Variants in SPEN observed in about 807,000 individuals in gnomAD.
The protein encoded by SPEN is msx2-interacting protein.
Under a neutral mutation model 269.9 loss-of-function variants are expected in SPEN, and 18 were observed. The ratio of observed to expected loss-of-function variants is 0.07; its 90% CI spans 0.05 to 0.10. The LOEUF (loss-of-function observed/expected upper bound fraction) is 0.10. Ranked by LOEUF, SPEN falls within the 10% of genes least tolerant of loss-of-function variation. The pLI is 1.00. For missense variants in SPEN, 3,822 were observed against 4,631.2 expected, an observed-to-expected ratio of 0.83 and a Z score of 5.07; for synonymous variants, 1,726 against 1,765.7, an observed-to-expected ratio of 0.98 and a Z score of 0.56.
intron 9 of SPEN, among the ~76,000 whole-genome samples, chr1:15,921,522 G>A (rs962395561): frequency 2.0e-5 from 3 of 152,134 alleles, no homozygotes; most frequent in Non-Finnish European, 4.4e-5. Context: ...CTCATTCAAA[G>A]AAGTGTGCTT....
chr1:15,866,579 T>C (rs966914629), intron 1 of SPEN, among the ~76,000 whole-genome samples: 7 of 152,214 alleles, frequency 4.6e-5, no homozygotes, highest in African/African-American at 1.7e-4. Flanking sequence ...AGTCTCGATC[T>C]ACTGACCTCG....
intron 9 of SPEN, among the ~76,000 whole-genome samples, 179 bp from the exon 10 acceptor site, chr1:15,922,070 A>AT (rs1466380148): frequency 6.6e-6 from 1 of 152,232 alleles, no homozygotes. Flanking sequence ...TTTATACAGA[A>AT]TTTGAGAGAT....
intron 3 of SPEN, among the ~76,000 whole-genome samples, chr1:15,887,756 T>C (rs1351911861): frequency 6.8e-6 from 1 of 147,782 alleles, no homozygotes; most frequent in African/African-American, 2.5e-5. Context: ...GTACGGTGGC[T>C]CACACCTGTA....
chr1:15,891,512 C>T (rs1012849497), intron 3 of SPEN, among the ~76,000 whole-genome samples: 29 of 151,732 alleles, frequency 1.9e-4, no homozygotes, highest in African/African-American at 4.6e-4. Context: ...CCACCACGCC[C>T]GGCTAATTTT....
chr1:15,906,631 T>C lies in SPEN; in HGVS notation c.882-2690T>C, dbSNP rs532205786. ...GTCATGTGCCACCAAGCCTGGCTAA[T>C]TTTTGTATTTCTAGTAGAGATGAGG... On this transcript the variant is annotated intron_variant, in intron 3 of 14. Coordinates refer to ENST00000375759, the MANE Select transcript of SPEN (RefSeq NM_015001.3). Among the ~76,000 whole-genome samples the C allele has an allele frequency of 7.9e-5, 12 of 151,910 alleles. 1 individual carries two copies. The East Asian group carries it at 2.3e-3, about 29-fold the overall frequency.
chr1:15,911,033 A>T, intron 4 of SPEN, 68 bp from the exon 5 acceptor site: 1 of 1,291,420 alleles, frequency 7.7e-7, no homozygotes, highest in Non-Finnish European at 1.1e-6. Context: ...CTAAAGATTT[A>T]GTAGGTTGCT....
intron 5 of SPEN, among the ~76,000 whole-genome samples, chr1:15,913,117 A>G (rs936663018): frequency 6.6e-6 from 1 of 152,210 alleles, no homozygotes; most frequent in Non-Finnish European, 1.5e-5. Flanking sequence ...ACTAGGTTGG[A>G]ATTATGCTCT....
At chr1:15,882,967 C>T (rs2148714798) in intron 3 of SPEN, among the ~76,000 whole-genome samples, 1 of 152,246 alleles carries the variant, frequency 6.6e-6, no homozygotes, top group Non-Finnish European at 1.5e-5. Context: ...TCCCTTCCCT[C>T]CTCAGCAGGA....
Position 15,929,372 on chromosome 1 carries a change from T to A in SPEN, c.3132T>A (p.Ile1044=). ...EAERKPVRKE[I]LKRESKKIKL... The stretch of plus-strand genomic sequence containing the variant: ...AAAGAAAGCCTGTGAGGAAAGAAAT[T>A]CTTAAAAGAGAATCTAAAAAAATCA... Residue 1044 remains isoleucine (I), a synonymous_variant, in exon 11 of 15, where the codon ATT becomes ATA. Coordinates refer to ENST00000375759, the MANE Select transcript of SPEN (RefSeq NM_015001.3). The surrounding 1 kb of genome is among the most constrained non-coding windows in gnomAD (Gnocchi z 5.8). The A allele has an allele frequency of 1.2e-6, 2 of 1,613,298 alleles. No homozygotes were observed. Among genetic ancestry groups the A allele is most frequent in the Non-Finnish European group, 8.5e-7 (1 of 1,179,768 alleles).
At chr1:15,910,151 AT>A (rs1410106496) in intron 4 of SPEN, among the ~76,000 whole-genome samples, 13 of 145,390 alleles carry the variant, frequency 8.9e-5, no homozygotes, top group Admixed American at 8.3e-4. Context: ...AAAAAAAAAA[AT>A]TATTTACTAA....
At chr1:15,893,368 T>A (rs2070808370) in intron 3 of SPEN, among the ~76,000 whole-genome samples, 2 of 152,210 alleles carry the variant, frequency 1.3e-5, no homozygotes, top group African/African-American at 4.8e-5. Context: ...CTGAATATGC[T>A]GTGTCATGGT....
At chr1:15,869,380 G>A (rs12122145) in intron 1 of SPEN, among the ~76,000 whole-genome samples, 4,635 of 152,026 alleles carry the variant, frequency 0.03, 122 homozygotes, top group Admixed American at 0.078. Context: ...ATAAACTCAC[G>A]TGGGTTGAAT....
chr1:15,855,492 A>G (rs570961083), intron 1 of SPEN, among the ~76,000 whole-genome samples: 2 of 152,132 alleles, frequency 1.3e-5, no homozygotes, highest in Non-Finnish European at 2.9e-5. Context: ...TATATTTAAC[A>G]TATAGCGATT....
intron 3 of SPEN, among the ~76,000 whole-genome samples, chr1:15,882,305 T>C (rs1237231999): frequency 6.6e-6 from 1 of 152,212 alleles, no homozygotes; most frequent in Admixed American, 6.5e-5. Flanking sequence ...TGATTGAAGT[T>C]GAACATACTT....
intron 10 of SPEN, among the ~76,000 whole-genome samples, chr1:15,926,591 A>G (rs1346472055): frequency 1.3e-5 from 2 of 152,078 alleles, no homozygotes; most frequent in African/African-American, 4.8e-5. Context: ...CATTCTTTCA[A>G]CAAATAGTTG....
At chr1:15,874,062 G>A (rs1299701488) in intron 2 of SPEN, 10 of 1,306,750 alleles carry the variant, frequency 7.7e-6, no homozygotes, top group South Asian at 1.3e-5. Context: ...AATTGTAGAG[G>A]ATATTTCCTC....
chr1:15,878,978 G>A (rs532994394), intron 3 of SPEN, among the ~76,000 whole-genome samples: 1 of 138,344 alleles, frequency 7.2e-6, no homozygotes. Context: ...ACTCCAGCCT[G>A]GGTGACAGAT....
intron 6 of SPEN, among the ~76,000 whole-genome samples, chr1:15,918,218 A>G (rs1022001955): frequency 6.6e-6 from 1 of 152,170 alleles, no homozygotes; most frequent in Non-Finnish European, 1.5e-5. Flanking sequence ...CTCAGATATC[A>G]TATTTTATTT....
Position 15,873,210 on chromosome 1 carries a change from C to T in SPEN, c.404+74C>T, listed in dbSNP as rs2070599433. On this transcript the variant is annotated intron_variant, in intron 2 of 14. Transcript: ENST00000375759. ...AGAAACAGAAACTCATATTTAGGGG[C>T]CCCAGATGGATTTAAAGTTTTGGGC... 3 of 1,478,742 alleles carry T rather than the reference C, an allele frequency of 2.0e-6. No homozygotes were observed. The Admixed American group carries it at 7.3e-5, about 36-fold the overall frequency. 91.6% of individuals were successfully genotyped at this position (1,478,742 alleles called of 1,614,324 possible). A position where few individuals can be genotyped will look rare whatever the true frequency, so the allele number is the denominator to read the frequency against.
Sources: allele counts gnomAD v4.1 joint callset (sites outside exome capture counted in the v4.1 genomes callset), GRCh38; gene constraint gnomAD v4.1.1; non-coding constraint Gnocchi (gnomAD v3.1); transcripts MANE v1.5; gene names NCBI Gene and HGNC (gene_info 2026-07-23, HGNC 2026-07-21).